Variants in CD163L1 observed in about 807,000 individuals in gnomAD.
CD163L1 encodes CD163 molecule like 1.
CD163L1 carries 124 observed loss-of-function variants against 165.4 expected under a neutral mutation model. The ratio of observed to expected loss-of-function variants is 0.75; its 90% CI spans 0.65 to 0.87. The LOEUF is 0.87. CD163L1 is among the 40% of genes least tolerant of loss of function. The pLI, the probability that CD163L1 is intolerant of heterozygous loss-of-function variation, is 0.00. For missense variants in CD163L1, 1,525 were observed against 1,799.9 expected, an observed-to-expected ratio of 0.85 and a Z score of 2.76; for synonymous variants, 585 against 662.2, an observed-to-expected ratio of 0.88 and a Z score of 1.79.
At chr12:7,396,453 T>C (rs1459161366) in intron 7 of CD163L1, 38 bp from the exon 8 acceptor site, 2 of 1,528,076 alleles carry the variant, frequency 1.3e-6, no homozygotes, top group Admixed American at 3.9e-5. Flanking sequence ...TTAATGGGTG[T>C]GATGGTTTAT....
intron 8 of CD163L1, among the ~76,000 whole-genome samples, chr12:7,387,155 T>C (rs1432157335): frequency 1.3e-5 from 2 of 151,946 alleles, no homozygotes; most frequent in African/African-American, 4.8e-5. Context: ...CATACAAAAG[T>C]GAGTAGCATT....
At chr12:7,390,494 T>C (rs1947630086) in intron 8 of CD163L1, among the ~76,000 whole-genome samples, 1 of 152,046 alleles carries the variant, frequency 6.6e-6, no homozygotes. Flanking sequence ...CGTACACATA[T>C]TATAGATCAG....
chr12:7,429,011 A>C (rs756107364), intron 4 of CD163L1, among the ~76,000 whole-genome samples: 1 of 152,206 alleles, frequency 6.6e-6, no homozygotes, highest in South Asian at 2.1e-4. Flanking sequence ...TTATATATAC[A>C]ATATTGTGTT....
At position 7,347,261 on chromosome 12, in the gene CD163L1, T is replaced by G. The variant is rs1946676308; in HGVS notation, c.*25-114A>C. ...TGTGTTTACTTAAGTTTACATATCT[T>G]TGTTTGTGGGGCACCAACATTTTAA... On this transcript the variant is annotated intron_variant, in intron 4 of 4. Coordinates refer to the CD163L1 transcript ENST00000539726. This position sits in a 1 kb window ranked among gnomAD's most constrained non-coding sequence, Gnocchi z 4.2. 1 of 152,214 alleles carries G rather than the reference T, an allele frequency of 6.6e-6. No individual in the cohort carries two copies. Among genetic ancestry groups the G allele is most frequent in the South Asian group, 2.1e-4 (1 of 4,830 alleles). The allele number at this position is 152,214 out of a possible 1,614,324, so 9.4% of individuals were successfully genotyped here.
At chr12:7,370,913 AC>A (rs1311424799) in intron 14 of CD163L1, among the ~76,000 whole-genome samples, 1 of 152,028 alleles carries the variant, frequency 6.6e-6, no homozygotes, top group Non-Finnish European at 1.5e-5. Flanking sequence ...CTGTATCCCC[AC>A]CCAAATCTCA....
intron 4 of CD163L1, among the ~76,000 whole-genome samples, chr12:7,409,516 C>T (rs986331164): frequency 1.3e-5 from 2 of 152,248 alleles, no homozygotes; most frequent in East Asian, 3.9e-4. Context: ...ATGCACAGTT[C>T]ACAATAGGGT....
At chr12:7,440,749 C>G (rs955155053) in intron 2 of CD163L1, among the ~76,000 whole-genome samples, 1 of 151,890 alleles carries the variant, frequency 6.6e-6, no homozygotes, top group Non-Finnish European at 1.5e-5. Context: ...ACTTCAGCCC[C>G]CCAAGTAGCT....
rs1387500612 is a variant in CD163L1, at chr12:7,421,564, TACATATATAC to T, written c.766+10842_766+10851del. 1.5e-3 allele frequency among the ~76,000 whole-genome samples: 197 copies of T among 135,664 alleles called. 3 individuals carry two copies. The highest frequency in any genetic ancestry group is 6.2e-3 in the South Asian group (27 of 4,334). 89.0% of individuals were successfully genotyped at this position (135,664 alleles called of 152,430 possible). A position where few individuals can be genotyped will look rare whatever the true frequency, so the allele number is the denominator to read the frequency against. On this transcript the variant is annotated intron_variant, in intron 4 of 19. Transcript: ENST00000313599. ...GTACACATATACATATACATATATGTACATATATACATGTACATATATACATATACATATA... is the reference window on the plus strand; with the variant it reads ...GTACACATATACATATACATATATGTATGTACATATATACATATACATATA...
intron 2 of CD163L1, chr12:7,440,041 C>T: frequency 7.9e-7 from 1 of 1,269,264 alleles, no homozygotes; most frequent in Non-Finnish European, 1.1e-6. Flanking sequence ...CACACCCCAG[C>T]AGCTCCTCGC....
chr12:7,421,745 GTATA>G (rs150499022), intron 4 of CD163L1, among the ~76,000 whole-genome samples: 456 of 1,746 alleles, frequency 0.26, 1 homozygote, highest in Admixed American at 0.29. Context: ...ATGTGTGTGT[GTATA>G]TATATATATA....
At chr12:7,427,217 T>G (rs779495395) in intron 4 of CD163L1, among the ~76,000 whole-genome samples, 19 of 152,254 alleles carry the variant, frequency 1.2e-4, no homozygotes, top group African/African-American at 4.1e-4. Context: ...GACATATATG[T>G]AACATTCCAT....
rs1398508657 is a variant in CD163L1, at chr12:7,398,742, AT to A, written c.1409-159del. Among the ~76,000 whole-genome samples, 4 of 152,168 alleles carry A rather than the reference AT, an allele frequency of 2.6e-5. No individual in the cohort carries two copies. The highest frequency in any genetic ancestry group is 9.6e-5 in the African/African-American group (4 of 41,452). ...AAGTTTGGTTTTCTTTCTTTTGACA[AT>A]TTTTTATTCAATTTTTGGAGAGAAG... On this transcript the variant is annotated intron_variant, in intron 6 of 19. Transcript: ENST00000313599. The surrounding 1 kb of genome is among the most constrained non-coding windows in gnomAD (Gnocchi z 4.5).
rs776772992 is a variant in CD163L1 at position 7,379,276 on chromosome 12, C to T, written c.2073G>A (p.Arg691=). ...CACACCTGCTGCTTCCACCCACAAG[C>T]CTCAGCTCCATATCCGATGCATCTG... ...ICSDASDMEL[R]LVGGSSRCAG... is the part of the protein sequence containing the mutation. Residue 691 remains arginine, a synonymous_variant, in exon 9 of 20, where the codon AGG becomes AGA. Coordinates refer to ENST00000313599, the MANE Select transcript of CD163L1 (RefSeq NM_174941.6). 2.5e-6 allele frequency: 4 copies of T among 1,613,930 alleles called. No homozygotes were observed. The East Asian group carries it at 8.9e-5, about 36-fold the overall frequency.
intron 6 of CD163L1, among the ~76,000 whole-genome samples, chr12:7,399,484 T>TCTTCCG: frequency 6.7e-6 from 1 of 150,050 alleles, no homozygotes; most frequent in Non-Finnish European, 1.5e-5. Context: ...CCTTCCTTCT[T>TCTTCCG]CTTCCTCTTC....
At chr12:7,399,661 G>C (rs1427802638) in intron 6 of CD163L1, among the ~76,000 whole-genome samples, 5 of 150,554 alleles carry the variant, frequency 3.3e-5, no homozygotes, top group African/African-American at 4.9e-5. Context: ...CTAGAGTGCT[G>C]TGGCACAATC....
chr12:7,339,629 C>T, the CD163L1 span, among the ~76,000 whole-genome samples: 1 of 152,026 alleles, frequency 6.6e-6, no homozygotes, highest in African/African-American at 2.4e-5. Flanking sequence ...GTGTGCATGA[C>T]CTCTCTTCCT....
chr12:7,330,316 A>G, the CD163L1 span, among the ~76,000 whole-genome samples: 2 of 152,198 alleles, frequency 1.3e-5, no homozygotes, highest in African/African-American at 4.8e-5. Context: ...CATTTTTACT[A>G]CTTTTCAAAA....
chr12:7,362,530 T>C lies in CD163L1; in HGVS notation c.4279+4706A>G, dbSNP rs946141227. Among the ~76,000 whole-genome samples the C allele has an allele frequency of 1.0e-4, 15 of 142,890 alleles. No homozygotes were observed. The South Asian group carries it at 3.0e-3, about 28-fold the overall frequency. The allele number at this position is 142,890 out of a possible 152,430, so 93.7% of individuals were successfully genotyped here. ...TAAATTAATAGTTATTACATAACTA[T>C]GTATAAATATATAATATATTATATT... On this transcript the variant is annotated intron_variant, in intron 18 of 19. Coordinates refer to ENST00000313599, the MANE Select transcript of CD163L1 (RefSeq NM_174941.6).
chr12:7,415,516 T>C (rs776060246), intron 4 of CD163L1, among the ~76,000 whole-genome samples: 3 of 152,268 alleles, frequency 2.0e-5, no homozygotes, highest in Non-Finnish European at 4.4e-5. Flanking sequence ...CATGGTGGTT[T>C]GGGGCACCCA....
Sources: allele counts gnomAD v4.1 joint callset (sites outside exome capture counted in the v4.1 genomes callset), GRCh38; gene constraint gnomAD v4.1.1; non-coding constraint Gnocchi (gnomAD v3.1); transcripts MANE v1.5; gene names NCBI Gene and HGNC (gene_info 2026-07-23, HGNC 2026-07-21).